NHLRC2: variants seen among roughly 807,000 people sequenced by gnomAD.
The protein encoded by NHLRC2 is NHL repeat-containing protein 2.
Under a neutral mutation model 68.1 loss-of-function variants are expected in NHLRC2, and 33 were observed. The observed-to-expected ratio is 0.48, with a 90% CI of 0.37 to 0.65. NHLRC2 has a LOEUF of 0.65. Ranked by LOEUF, NHLRC2 falls within the 30% of genes least tolerant of loss-of-function variation. The pLI is 0.00. For missense variants in NHLRC2, 761 were observed against 853.8 expected (o/e 0.89, Z 1.35); for synonymous variants, 311 against 309.6 (o/e 1.00, Z -0.05).
rs1846343368 is a variant in NHLRC2, at chr10:113,912,931, A to G, written c.*4395A>G. On this transcript the variant is annotated 3_prime_UTR_variant, in exon 11 of 11. Transcript: ENST00000369301. ...CAGAGGGAAAACGAACTGCTCAATT[A>G]AGAGTTCTTCCATGGACACTTTCTT... is the stretch of plus-strand genomic sequence containing the variant. 1 of 152,328 alleles carries G rather than the reference A, an allele frequency of 6.6e-6. No homozygotes were observed. Among genetic ancestry groups the G allele is most frequent in the South Asian group, 2.1e-4 (1 of 4,830 alleles). The allele number at this position is 152,328 out of a possible 1,614,324, so 9.4% of individuals were successfully genotyped here. A position where few individuals can be genotyped will look rare whatever the true frequency, so the allele number is the denominator to read the frequency against.
chr10:113,867,587 C>T (rs1845880526), intron 2 of NHLRC2, among the ~76,000 whole-genome samples: 1 of 152,204 alleles, frequency 6.6e-6, no homozygotes, highest in African/African-American at 2.4e-5. Flanking sequence ...GTTCTAGCCT[C>T]CCTGGCTTTC....
intron 4 of NHLRC2, among the ~76,000 whole-genome samples, chr10:113,883,035 T>C (rs1846049429): frequency 6.6e-6 from 1 of 151,864 alleles, no homozygotes; most frequent in African/African-American, 2.4e-5. Flanking sequence ...TGTCTGTCTT[T>C]ATGCCAGTAC....
chr10:113,888,162 G>T (rs1266847758), intron 5 of NHLRC2, among the ~76,000 whole-genome samples: 1 of 152,180 alleles, frequency 6.6e-6, no homozygotes, highest in African/African-American at 2.4e-5. Context: ...CTAGGAATAA[G>T]GGAAGGTATG....
chr10:113,885,971 C>T (rs1398954046), intron 5 of NHLRC2, among the ~76,000 whole-genome samples: 1 of 151,922 alleles, frequency 6.6e-6, no homozygotes, highest in Non-Finnish European at 1.5e-5. Context: ...TTGCTGATGA[C>T]ATGATTTTAT....
chr10:113,870,145 G>C (rs569694454), intron 2 of NHLRC2, among the ~76,000 whole-genome samples: 1 of 152,164 alleles, frequency 6.6e-6, no homozygotes, highest in African/African-American at 2.4e-5. Context: ...CCACTTCTCA[G>C]CTTCCCCCAT....
intron 10 of NHLRC2, among the ~76,000 whole-genome samples, chr10:113,907,452 A>G (rs1846286873): frequency 6.6e-6 from 1 of 152,188 alleles, no homozygotes; most frequent in African/African-American, 2.4e-5. Context: ...TATTTCCCAA[A>G]TGCTGGCTCT....
At chr10:113,869,689 A>G (rs1438593449) in intron 2 of NHLRC2, among the ~76,000 whole-genome samples, 1 of 152,210 alleles carries the variant, frequency 6.6e-6, no homozygotes, top group Non-Finnish European at 1.5e-5. Context: ...ATTTATCAGT[A>G]GGAAAATGTG....
chr10:113,884,443 T>C, intron 5 of NHLRC2, 63 bp downstream of exon 5: 2 of 1,372,900 alleles, frequency 1.5e-6, no homozygotes, highest in Non-Finnish European at 2.0e-6. Flanking sequence ...TTTAAAAATA[T>C]TCTTGAGGTG....
rs1370933256 is a variant in NHLRC2, at chr10:113,908,300, G to A, written c.1945G>A (p.Gly649Arg). 3.1e-6 allele frequency: 5 copies of A among 1,613,488 alleles called. No individual in the cohort carries two copies. Among genetic ancestry groups the A allele is most frequent in the East Asian group, 2.2e-5 (1 of 44,874 alleles). ...TAEGNEWLLQ[G>R]QIAAGDIENI... ...TTTAGGCAATGAATGGCTACTTCAA[G>A]GACAGATAGCAGCTGGAGATATAGA... Residue 649 changes from glycine (G) to arginine (R), a missense_variant, in exon 11 of 11, where the codon GGA (glycine) becomes AGA (arginine). Physicochemically the swap from Gly to Arg is moderately radical, Grantham distance 125. Coordinates refer to ENST00000369301, the MANE Select transcript of NHLRC2 (RefSeq NM_198514.4).
intron 2 of NHLRC2, among the ~76,000 whole-genome samples, chr10:113,867,079 A>C (rs1000000174): frequency 1.3e-5 from 2 of 152,212 alleles, no homozygotes; most frequent in African/African-American, 4.8e-5. Context: ...TCATGTTTCA[A>C]AAGTTCAGAT....
intron 2 of NHLRC2, among the ~76,000 whole-genome samples, chr10:113,873,478 T>G (rs7080052): frequency 0.7 from 106,506 of 151,944 alleles, 38,728 homozygotes; most frequent in East Asian, 0.84. Flanking sequence ...CTTATGTTAT[T>G]GTGGAGCTAC....
At chr10:113,893,733 C>A (rs1487904653) in intron 5 of NHLRC2, among the ~76,000 whole-genome samples, 1 of 152,122 alleles carries the variant, frequency 6.6e-6, no homozygotes, top group Non-Finnish European at 1.5e-5. Context: ...TTATAGTAAG[C>A]CCCAGCTGAG....
intron 2 of NHLRC2, among the ~76,000 whole-genome samples, chr10:113,875,962 TAAGAG>T (rs1444467700): frequency 6.6e-6 from 1 of 151,598 alleles, no homozygotes; most frequent in Admixed American, 6.6e-5. Flanking sequence ...ATTGATTAGA[TAAGAG>T]AAGTATGTTT....
In NHLRC2 at chr10:113,854,771, G is replaced by A. The variant is rs1845724186; in HGVS notation, c.-102G>A. The A allele has an allele frequency of 2.1e-6, 2 of 940,156 alleles. No individual in the cohort carries two copies. The highest frequency in any genetic ancestry group is 3.1e-6 in the Non-Finnish European group (2 of 640,844). The allele number at this position is 940,156 out of a possible 1,614,324, so 58.2% of individuals were successfully genotyped here. On this transcript the variant is annotated 5_prime_UTR_variant, in exon 1 of 11. Transcript: ENST00000369301. The stretch of plus-strand genomic sequence containing the variant: ...GTGGAGTGGGGCTAGTGGAGGGTGA[G>A]GTGAATGCGCCGTTTGGAAACCACA...
intron 2 of NHLRC2, among the ~76,000 whole-genome samples, chr10:113,865,719 T>C (rs367633446): frequency 9.9e-5 from 15 of 152,180 alleles, no homozygotes; most frequent in African/African-American, 3.4e-4. Context: ...ACATTGTATT[T>C]CAAAGAAACA....
rs1473747289 is a variant in NHLRC2 at position 113,908,372 on chromosome 10, T to G, written c.2017T>G (p.Cys673Gly). 2.5e-6 allele frequency: 4 copies of G among 1,613,906 alleles called. No homozygotes were observed. Among genetic ancestry groups the G allele is most frequent in the Non-Finnish European group, 3.4e-6 (4 of 1,179,876 alleles). ...AATTTCACTACAAATTCCTGATGAT[T>G]GCTTATCACTTGAAGCCATTGTATC... ...PTISLQIPDDCLSLEAIVSVS... is the reference protein window; with the variant it reads ...PTISLQIPDDGLSLEAIVSVS... Residue 673 changes from cysteine (C) to glycine (G), a missense_variant, in exon 11 of 11, where the codon TGC (cysteine) becomes GGC (glycine). Physicochemically the swap from Cys to Gly is radical, Grantham distance 159 (BLOSUM62 -3). Coordinates refer to ENST00000369301, the MANE Select transcript of NHLRC2 (RefSeq NM_198514.4).
In NHLRC2 at chr10:113,875,031, C is replaced by T. The variant is rs142571266; in HGVS notation, c.332-1490C>T. Among the ~76,000 whole-genome samples, 358 of 151,466 alleles carry T rather than the reference C, an allele frequency of 2.4e-3. 1 individual carries two copies. The highest frequency in any genetic ancestry group is 0.012 in the South Asian group (56 of 4,798). ...TCGAACATCTGCTTTATCTTGGCATCGGTATCTGTTGCTTGTTTTTTTTGC... is the reference window on the plus strand; with the variant it reads ...TCGAACATCTGCTTTATCTTGGCATTGGTATCTGTTGCTTGTTTTTTTTGC... On this transcript the variant is annotated intron_variant, in intron 2 of 10. Transcript: ENST00000369301.
At chr10:113,861,915 C>G (rs966182657) in intron 2 of NHLRC2, among the ~76,000 whole-genome samples, 2 of 151,836 alleles carry the variant, frequency 1.3e-5, no homozygotes, top group Admixed American at 6.6e-5. Flanking sequence ...GCTCTATTCC[C>G]CAGGCTAGAG....
chr10:113,903,290 C>T (rs2134738321), intron 8 of NHLRC2, among the ~76,000 whole-genome samples: 1 of 152,046 alleles, frequency 6.6e-6, no homozygotes, highest in East Asian at 1.9e-4. Context: ...TTCCAGAAGA[C>T]AAGATGGAGC....
Sources: allele counts gnomAD v4.1 joint callset (sites outside exome capture counted in the v4.1 genomes callset), GRCh38; gene constraint gnomAD v4.1.1; transcripts MANE v1.5; gene names NCBI Gene and HGNC (gene_info 2026-07-23, HGNC 2026-07-21).